Variants in CPNE5 observed in about 807,000 individuals in gnomAD.
CPNE5 encodes the protein copine-5.
Under a neutral mutation model 81.1 loss-of-function variants are expected in CPNE5, and 42 were observed. The observed-to-expected ratio is 0.52, with a 90% CI of 0.40 to 0.67. The LOEUF is 0.67. Among genes scored for constraint, CPNE5 ranks in the 30% least tolerant of loss-of-function variants. CPNE5 has a pLI of 0.00. For missense variants in CPNE5, 612 were observed against 815.5 expected, an observed-to-expected ratio of 0.75 and a Z score of 3.04; for synonymous variants, 313 against 321.5, an observed-to-expected ratio of 0.97 and a Z score of 0.28.
chr6:36,809,061 C>T lies in CPNE5; in HGVS notation c.184-8991G>A, dbSNP rs576147777. Among the ~76,000 whole-genome samples the T allele has an allele frequency of 3.9e-5, 6 of 152,256 alleles. No individual in the cohort carries two copies. The South Asian group carries it at 1.2e-3, about 32-fold the overall frequency. On this transcript the variant is annotated intron_variant, in intron 3 of 20. Transcript: ENST00000244751. ...TCTACTCCCTAGCGCAGTCTCTGAA[C>T]TTCTGGGATTACTGTGCCTGCTCCC...
At chr6:36,763,130 G>T in intron 11 of CPNE5, 138 bp from the exon 12 acceptor site, 1 of 742,570 alleles carries the variant, frequency 1.3e-6, no homozygotes, top group Non-Finnish European at 2.3e-6. Flanking sequence ...CAGCAGACAG[G>T]CTGGGTCCGT....
At chr6:36,816,135 A>C (rs962661754) in intron 3 of CPNE5, among the ~76,000 whole-genome samples, 15 of 152,180 alleles carry the variant, frequency 9.9e-5, no homozygotes, top group Non-Finnish European at 2.1e-4. Flanking sequence ...ACTTGAGAAG[A>C]TAAATAACTC....
chr6:36,746,580 G>A lies in CPNE5; in HGVS notation c.1019-3C>T. On this transcript the variant is annotated splice_region_variant and splice_polypyrimidine_tract_variant and intron_variant, in intron 15 of 20. Transcript: ENST00000244751. The surrounding 1 kb of genome is among the most constrained non-coding windows in gnomAD (Gnocchi z 4.5). ...GGATGTGGACTGTGAGGGGTTCCCT[G>A]TAACACAGGACATGGGAGCCTTTGA... 2 of 1,610,012 alleles carry A rather than the reference G, an allele frequency of 1.2e-6. No homozygotes were observed. The highest frequency in any genetic ancestry group is 4.5e-5 in the East Asian group (2 of 44,402).
chr6:36,823,607 T>G (rs1378059902), intron 1 of CPNE5, among the ~76,000 whole-genome samples: 1 of 152,204 alleles, frequency 6.6e-6, no homozygotes, highest in African/African-American at 2.4e-5. Flanking sequence ...GCCGACTCAT[T>G]TGGACAAGGT....
rs144658766 is a variant in CPNE5 at position 36,756,529 on chromosome 6, C to A, written c.856-231G>T. ...TCAGACCCAGGGTCCCACGATCAACCGGGAATATTTATTTAACCTTCTCTC... is the reference window on the plus strand; with the variant it reads ...TCAGACCCAGGGTCCCACGATCAACAGGGAATATTTATTTAACCTTCTCTC... On this transcript the variant is annotated intron_variant, in intron 12 of 20. Coordinates refer to ENST00000244751, the MANE Select transcript of CPNE5 (RefSeq NM_020939.2). Among the ~76,000 whole-genome samples, 250 of 152,250 alleles carry A rather than the reference C, an allele frequency of 1.6e-3. 1 individual carries two copies. The highest frequency in any genetic ancestry group is 5.9e-3 in the African/African-American group (247 of 41,538).
In CPNE5 at chr6:36,756,235, G is replaced by C; in HGVS notation, c.909+10C>G. On this transcript the variant is annotated intron_variant, in intron 13 of 20. Coordinates refer to ENST00000244751, the MANE Select transcript of CPNE5 (RefSeq NM_020939.2). ...TACACCCGGCTGCAGAGACCGGGGT[G>C]GCTACTCACTGTGCCAGAATTCACG... is the stretch of plus-strand genomic sequence containing the variant. The C allele has an allele frequency of 6.2e-7, 1 of 1,612,484 alleles. No individual in the cohort carries two copies.
intron 2 of CPNE5, 105 bp downstream of exon 2, chr6:36,822,953 G>A (rs1379135683): frequency 1.8e-5 from 17 of 923,250 alleles, no homozygotes; most frequent in South Asian, 1.0e-4. Context: ...TTTGAACGGC[G>A]CCTGGCACAT....
chr6:36,830,220 C>CACTACCAAAGCCAAGG (rs1407993099), intron 1 of CPNE5, among the ~76,000 whole-genome samples: 2 of 152,140 alleles, frequency 1.3e-5, no homozygotes, highest in South Asian at 4.1e-4. Context: ...GGAGTGCTTG[C>CACTACCAAAGCCAAGG]ACTACCAAAG....
chr6:36,776,889 C>T (rs949215010), intron 9 of CPNE5, among the ~76,000 whole-genome samples: 2 of 152,164 alleles, frequency 1.3e-5, no homozygotes, highest in African/African-American at 4.8e-5. Flanking sequence ...CACTCCTTTC[C>T]CGGCAAACCC....
At chr6:36,792,470 CT>C (rs1376988645) in intron 7 of CPNE5, 11 of 1,144,656 alleles carry the variant, frequency 9.6e-6, no homozygotes, top group Non-Finnish European at 1.1e-5. Flanking sequence ...ACCTCATGGG[CT>C]AGCCACCCCA....
Position 36,742,521 on chromosome 6 carries a change from C to T in CPNE5, c.1564-35G>A, listed in dbSNP as rs749073255. On this transcript the variant is annotated intron_variant, in intron 20 of 20. Coordinates refer to ENST00000244751, the MANE Select transcript of CPNE5 (RefSeq NM_020939.2). Reference sequence around the variant, plus strand: ...GGGAGGGCAGGGTCAGGCAGTGCCTCCTGTGGGACCCTGGCCCCCAAAATC... The same window carrying T: ...GGGAGGGCAGGGTCAGGCAGTGCCTTCTGTGGGACCCTGGCCCCCAAAATC... The T allele has an allele frequency of 1.9e-6, 3 of 1,588,776 alleles. No homozygotes were observed. The African/African-American group carries it at 4.0e-5, about 21-fold the overall frequency.
Position 36,766,955 on chromosome 6 carries a change from A to G in CPNE5, c.738-1579T>C, listed in dbSNP as rs1020162310. Among the ~76,000 whole-genome samples, 1 of 152,186 alleles carries G rather than the reference A, an allele frequency of 6.6e-6. No individual in the cohort carries two copies. The highest frequency in any genetic ancestry group is 1.5e-5 in the Non-Finnish European group (1 of 68,030). ...ATTGCAACCTCCGCCTCCGGATTCA[A>G]CTGATTCTCCTGCCTCACCCTCCCA... On this transcript the variant is annotated intron_variant, in intron 10 of 20. Transcript: ENST00000244751. The surrounding 1 kb of genome is among the most constrained non-coding windows in gnomAD (Gnocchi z 4.2).
intron 1 of CPNE5, chr6:36,827,472 C>A (rs1203315019): frequency 5.1e-6 from 5 of 985,022 alleles, no homozygotes; most frequent in Non-Finnish European, 6.0e-6. Context: ...CTCCAGAGGC[C>A]ATGTTTATCC....
chr6:36,794,221 G>A (rs1313400437), intron 7 of CPNE5, among the ~76,000 whole-genome samples: 4 of 151,152 alleles, frequency 2.6e-5, no homozygotes, highest in Admixed American at 6.6e-5. Flanking sequence ...AGAGAAGGGT[G>A]GGGATTGGGG....
At chr6:36,793,098 G>A (rs1769246557) in intron 7 of CPNE5, among the ~76,000 whole-genome samples, 2 of 152,122 alleles carry the variant, frequency 1.3e-5, no homozygotes, top group Admixed American at 1.3e-4. Flanking sequence ...TGCAACGCTG[G>A]TAAAATCCAG....
intron 1 of CPNE5, chr6:36,827,401 G>C (rs529738498): frequency 1.0e-6 from 1 of 985,384 alleles, no homozygotes; most frequent in South Asian, 4.7e-5. Flanking sequence ...CTGCCCCGGG[G>C]TATAAAATGG....
chr6:36,791,269 C>A (rs1769068893), intron 8 of CPNE5, among the ~76,000 whole-genome samples: 1 of 152,146 alleles, frequency 6.6e-6, no homozygotes, highest in Non-Finnish European at 1.5e-5. Context: ...GTTTGTCATC[C>A]TTGAGCAGGT....
intron 3 of CPNE5, among the ~76,000 whole-genome samples, chr6:36,819,829 C>T (rs949765354): frequency 1.2e-4 from 18 of 152,180 alleles, no homozygotes; most frequent in African/African-American, 4.3e-4. Context: ...TCCCAGGAGT[C>T]AGTGGAGATG....
At chr6:36,794,946 G>A (rs897268540) in intron 6 of CPNE5, among the ~76,000 whole-genome samples, 5 of 152,132 alleles carry the variant, frequency 3.3e-5, no homozygotes, top group Admixed American at 1.3e-4. Context: ...GGAACTCTGC[G>A]GGGTGGAGCC....
Sources: allele counts gnomAD v4.1 joint callset (sites outside exome capture counted in the v4.1 genomes callset), GRCh38; gene constraint gnomAD v4.1.1; non-coding constraint Gnocchi (gnomAD v3.1); transcripts MANE v1.5; gene names NCBI Gene and HGNC (gene_info 2026-07-23, HGNC 2026-07-21).